The following WWOX variants were observed in gnomAD, a reference collection of about 807,000 sequenced individuals.
WWOX encodes WW domain-containing oxidoreductase.
In WWOX, 69 loss-of-function variants were observed where a neutral mutation model predicts 46.2. That is an observed-to-expected ratio of 1.49 (90% CI 1.23 to 1.82). The LOEUF is 1.82. Among genes scored for constraint, WWOX ranks in the 40% most tolerant of loss-of-function variants. WWOX has a pLI of 0.00. For missense variants in WWOX, 919 were observed against 542.6 expected, an observed-to-expected ratio of 1.69 and a Z score of -6.89; for synonymous variants, 359 against 202.6, an observed-to-expected ratio of 1.77 and a Z score of -6.56.
At chr16:78,422,684 T>TATATATATATATATATACACAC (rs1263877025) in intron 6 of WWOX, among the ~76,000 whole-genome samples, 28 of 52,968 alleles carry the variant, frequency 5.3e-4, no homozygotes, top group East Asian at 1.9e-3. Flanking sequence ...TATATATATA[T>TATATATATATATATATACACAC]ACACACACAC....
intron 8 of WWOX, among the ~76,000 whole-genome samples, chr16:78,702,062 T>C: frequency 8.6e-6 from 1 of 116,890 alleles, no homozygotes; most frequent in African/African-American, 3.6e-5. Context: ...TGCAGAAGTT[T>C]TATATATATA....
chr16:78,774,550 G>A (rs1313191058), intron 8 of WWOX, among the ~76,000 whole-genome samples: 1 of 151,682 alleles, frequency 6.6e-6, no homozygotes, highest in African/African-American at 2.4e-5. Context: ...GCACACGCAT[G>A]AGCCTGTACG....
chr16:78,543,230 G>A (rs541535440), intron 8 of WWOX, among the ~76,000 whole-genome samples: 1 of 152,306 alleles, frequency 6.6e-6, no homozygotes, highest in South Asian at 2.1e-4. Context: ...AGTCACAACA[G>A]CAATTAAATG....
intron 8 of WWOX, among the ~76,000 whole-genome samples, chr16:78,658,496 G>A (rs957587304): frequency 6.6e-6 from 1 of 152,044 alleles, no homozygotes; most frequent in Non-Finnish European, 1.5e-5. Flanking sequence ...CACAGTTTTG[G>A]AGGCCAGACA....
At chr16:78,851,565 T>A (rs891007963) in intron 8 of WWOX, among the ~76,000 whole-genome samples, 5 of 152,222 alleles carry the variant, frequency 3.3e-5, no homozygotes, top group African/African-American at 1.2e-4. Flanking sequence ...ATTTTCCATC[T>A]TTCCCACTAG....
chr16:78,692,277 C>A (rs1476351767), intron 8 of WWOX, among the ~76,000 whole-genome samples: 1 of 152,150 alleles, frequency 6.6e-6, no homozygotes, highest in Non-Finnish European at 1.5e-5. Context: ...GGAAGAGAAG[C>A]AACAACTTTT....
rs116532305 is a variant in WWOX, at chr16:78,752,132, G to C, written c.1056+319380G>C. Among the ~76,000 whole-genome samples the C allele has an allele frequency of 5.1e-3, 779 of 152,272 alleles. 7 individuals carry two copies. Among genetic ancestry groups the C allele is most frequent in the African/African-American group, 0.018 (736 of 41,562 alleles). On this transcript the variant is annotated intron_variant, in intron 8 of 8. Transcript: ENST00000566780. ...GTCAGTTGTCTCAATCCATAAAAGAGTATCTCTTGTACAATGTCTGCTTTT... is the reference window on the plus strand; with the variant it reads ...GTCAGTTGTCTCAATCCATAAAAGACTATCTCTTGTACAATGTCTGCTTTT...
At chr16:78,655,771 C>G (rs529009749) in intron 8 of WWOX, among the ~76,000 whole-genome samples, 69 of 152,254 alleles carry the variant, frequency 4.5e-4, no homozygotes, top group African/African-American at 1.6e-3. Context: ...ACAATTATCA[C>G]CAAATGAAAG....
intron 6 of WWOX, among the ~76,000 whole-genome samples, chr16:78,394,341 AT>A (rs1400835888): frequency 6.6e-6 from 1 of 152,122 alleles, no homozygotes. Context: ...CTTAATTATG[AT>A]TTTTTAAGGA....
intron 8 of WWOX, among the ~76,000 whole-genome samples, chr16:79,146,050 A>G (rs1188862458): frequency 6.6e-6 from 1 of 152,214 alleles, no homozygotes; most frequent in Non-Finnish European, 1.5e-5. Context: ...CTTTGATAAC[A>G]TAAATACCGG....
At chr16:78,711,720 C>A (rs543768535) in intron 8 of WWOX, among the ~76,000 whole-genome samples, 3 of 152,128 alleles carry the variant, frequency 2.0e-5, no homozygotes, top group African/African-American at 4.8e-5. Flanking sequence ...ATAAGTGTTC[C>A]CTCCAATTCC....
chr16:78,550,362 A>G (rs1597251591), intron 8 of WWOX, among the ~76,000 whole-genome samples: 1 of 152,208 alleles, frequency 6.6e-6, no homozygotes, highest in Admixed American at 6.5e-5. Flanking sequence ...CTAAGCTATC[A>G]TGCATTAGTG....
chr16:79,113,953 C>A (rs1460485682), intron 8 of WWOX, among the ~76,000 whole-genome samples: 1 of 152,174 alleles, frequency 6.6e-6, no homozygotes. Flanking sequence ...CCAGCCACAA[C>A]GTGTTCTTGA....
At chr16:78,544,208 A>G (rs1295201544) in intron 8 of WWOX, among the ~76,000 whole-genome samples, 3 of 152,258 alleles carry the variant, frequency 2.0e-5, no homozygotes, top group African/African-American at 7.2e-5. Flanking sequence ...GGTAGGAAAT[A>G]GAGAACTGAC....
At chr16:79,165,213 T>C (rs1110544) in intron 8 of WWOX, among the ~76,000 whole-genome samples, 67,005 of 151,462 alleles carry the variant, frequency 0.44, 15,636 homozygotes, top group East Asian at 0.76. Flanking sequence ...GTAGTTACAA[T>C]GCTAGTGACC....
intron 5 of WWOX, among the ~76,000 whole-genome samples, chr16:78,380,540 T>G (rs1250171204): frequency 1.3e-5 from 2 of 152,116 alleles, no homozygotes; most frequent in African/African-American, 2.4e-5. Flanking sequence ...CTGCACTCTT[T>G]AAGGATAGGG....
intron 8 of WWOX, among the ~76,000 whole-genome samples, chr16:78,773,633 C>A (rs1056798897): frequency 6.6e-6 from 1 of 152,186 alleles, no homozygotes; most frequent in Admixed American, 6.5e-5. Flanking sequence ...AGGTGCCTCT[C>A]ATTGTTTTCC....
intron 8 of WWOX, among the ~76,000 whole-genome samples, chr16:78,878,288 C>G (rs936754029): frequency 6.6e-6 from 1 of 152,170 alleles, no homozygotes; most frequent in African/African-American, 2.4e-5. Flanking sequence ...AAATACCATG[C>G]TGAATGATGG....
At chr16:78,410,997 G>T (rs947570277) in intron 6 of WWOX, among the ~76,000 whole-genome samples, 3 of 152,112 alleles carry the variant, frequency 2.0e-5, no homozygotes, top group African/African-American at 4.8e-5. Context: ...TCTTCATGGG[G>T]CAGTTGATAA....
Sources: allele counts gnomAD v4.1 joint callset (sites outside exome capture counted in the v4.1 genomes callset), GRCh38; gene constraint gnomAD v4.1.1; transcripts MANE v1.5; gene names NCBI Gene and HGNC (gene_info 2026-07-23, HGNC 2026-07-21).